NUBPL: variants seen among roughly 807,000 people sequenced by gnomAD.
The protein encoded by NUBPL is iron-sulfur cluster transfer protein NUBPL.
NUBPL carries 31 observed loss-of-function variants against 45.7 expected under a neutral mutation model. That is an observed-to-expected ratio of 0.68 (90% CI 0.51 to 0.92). The LOEUF (loss-of-function observed/expected upper bound fraction) is 0.92. Ranked by LOEUF, NUBPL falls within the 40% of genes least tolerant of loss-of-function variation. The pLI, the probability that NUBPL is intolerant of heterozygous loss-of-function variation, is 0.00. For missense variants in NUBPL, 401 were observed against 398.7 expected, an observed-to-expected ratio of 1.01 and a Z score of -0.05; for synonymous variants, 144 against 140.9, an observed-to-expected ratio of 1.02 and a Z score of -0.15.
chr14:31,571,974 C>G (rs1390220043), intron 3 of NUBPL, among the ~76,000 whole-genome samples: 1 of 152,032 alleles, frequency 6.6e-6, no homozygotes, highest in African/African-American at 2.4e-5. Context: ...GGAATAAGTA[C>G]TATTGTGATC....
At chr14:31,651,964 G>C (rs1050406559) in intron 4 of NUBPL, among the ~76,000 whole-genome samples, 1 of 151,312 alleles carries the variant, frequency 6.6e-6, no homozygotes, top group African/African-American at 2.4e-5. Context: ...CTCAAAAGAA[G>C]ACATGCAAAT....
At chr14:31,850,301 T>A in intron 10 of NUBPL, 100 bp downstream of exon 10, 10 of 859,824 alleles carry the variant, frequency 1.2e-5, no homozygotes, top group Non-Finnish European at 1.5e-5. Flanking sequence ...TTGCAGTGCA[T>A]ATATATTTAA....
chr14:31,792,785 G>C (rs2039406752), intron 7 of NUBPL, among the ~76,000 whole-genome samples: 1 of 152,164 alleles, frequency 6.6e-6, no homozygotes, highest in African/African-American at 2.4e-5. Context: ...GTGTCTATGT[G>C]TGTGTTAAAG....
At chr14:31,721,767 AT>A (rs2037814380) in intron 6 of NUBPL, among the ~76,000 whole-genome samples, 1 of 151,720 alleles carries the variant, frequency 6.6e-6, no homozygotes, top group Non-Finnish European at 1.5e-5. Context: ...CCCTCCCCCC[AT>A]TCTCCACCTT....
rs201253051 is a variant in NUBPL, at chr14:31,803,380, T to C, written c.607+15507T>C. 5.0e-4 allele frequency among the ~76,000 whole-genome samples: 76 copies of C among 152,322 alleles called. 1 individual carries two copies. In the East Asian group the frequency reaches 0.014, roughly 28 times the overall value. On this transcript the variant is annotated intron_variant, in intron 7 of 10. Transcript: ENST00000281081. ...TCTAATGCCAGTGTTTTGGAAAACATTGAAAATTCAAAGAAAAACATTTGG... is the reference window on the plus strand; with the variant it reads ...TCTAATGCCAGTGTTTTGGAAAACACTGAAAATTCAAAGAAAAACATTTGG...
intron 4 of NUBPL, among the ~76,000 whole-genome samples, chr14:31,636,539 G>T (rs1035745531): frequency 6.6e-6 from 1 of 152,082 alleles, no homozygotes; most frequent in Non-Finnish European, 1.5e-5. Flanking sequence ...AAGGATATTG[G>T]TCTAAAATTC....
chr14:31,748,841 G>T (rs12100474), intron 6 of NUBPL, among the ~76,000 whole-genome samples: 5,482 of 152,146 alleles, frequency 0.036, 130 homozygotes, highest in African/African-American at 0.076. Flanking sequence ...TTGAACTCTT[G>T]ACCTCAGGTG....
Position 31,673,358 on chromosome 14 carries a change from A to C in NUBPL, c.386A>C (p.Asn129Thr). 4 of 1,603,078 alleles carry C rather than the reference A, an allele frequency of 2.5e-6. No individual in the cohort carries two copies. Among genetic ancestry groups the C allele is most frequent in the Non-Finnish European group, 3.4e-6 (4 of 1,174,390 alleles). Reference sequence around the variant, plus strand: ...AGAGGATTTTTTTTTTTTCCAGGCAACCTAATGAGGCCTCTCTTGAATTAT... The same window carrying C: ...AGAGGATTTTTTTTTTTTCCAGGCACCCTAATGAGGCCTCTCTTGAATTAT... ...LKGNPELSQS[N>T]LMRPLLNYGI... Residue 129 changes from asparagine (N) to threonine (T), a missense_variant, in exon 5 of 11, where the codon AAC becomes ACC. Physicochemically the swap from Asn to Thr is moderately conservative, Grantham distance 65. Coordinates refer to ENST00000281081, the MANE Select transcript of NUBPL (RefSeq NM_025152.3).
intron 6 of NUBPL, among the ~76,000 whole-genome samples, chr14:31,688,646 G>GTTTTTT (rs1324079141): frequency 8.9e-5 from 9 of 100,642 alleles, no homozygotes; most frequent in African/African-American, 5.8e-4. Context: ...GCCTGAACAG[G>GTTTTTT]TTTTTGTTGT....
chr14:31,706,785 C>A lies in NUBPL; in HGVS notation c.513+33211C>A, dbSNP rs2037463176. On this transcript the variant is annotated intron_variant, in intron 6 of 10. Coordinates refer to ENST00000281081, the MANE Select transcript of NUBPL (RefSeq NM_025152.3). ...TGAGAAATCCTTTGAGAGTGTGTGG[C>A]AGTAGGATAATACATGTTACACTGT... 2.0e-5 allele frequency among the ~76,000 whole-genome samples: 3 copies of A among 152,154 alleles called. No homozygotes were observed. In the South Asian group the frequency reaches 6.2e-4, roughly 32 times the overall value.
intron 6 of NUBPL, among the ~76,000 whole-genome samples, chr14:31,753,430 C>G (rs915463806): frequency 6.6e-6 from 1 of 152,044 alleles, no homozygotes; most frequent in African/African-American, 2.4e-5. Context: ...GCTTTCTGTG[C>G]TAGACCACCG....
intron 6 of NUBPL, among the ~76,000 whole-genome samples, chr14:31,743,383 A>G (rs748929874): frequency 4.0e-5 from 6 of 151,360 alleles, no homozygotes; most frequent in Non-Finnish European, 8.8e-5. Flanking sequence ...TTTTTGTTTC[A>G]TTTTGTTTTA....
intron 6 of NUBPL, among the ~76,000 whole-genome samples, chr14:31,697,793 TAAG>T (rs1377774802): frequency 6.6e-6 from 1 of 152,236 alleles, no homozygotes; most frequent in Non-Finnish European, 1.5e-5. Context: ...CAGTGATAAT[TAAG>T]AAGCCTTAAT....
chr14:31,590,490 C>A (rs1440021196), intron 3 of NUBPL, among the ~76,000 whole-genome samples: 1 of 152,176 alleles, frequency 6.6e-6, no homozygotes, highest in African/African-American at 2.4e-5. Context: ...GATTTTGAGT[C>A]TGAAGGGTGG....
intron 4 of NUBPL, among the ~76,000 whole-genome samples, chr14:31,604,258 G>A (rs188081165): frequency 5.3e-5 from 8 of 150,862 alleles, no homozygotes; most frequent in African/African-American, 7.3e-5. Context: ...TGATTAAGGC[G>A]TTCACTTAAA....
intron 6 of NUBPL, among the ~76,000 whole-genome samples, chr14:31,748,145 C>T (rs764327880): frequency 4.6e-5 from 7 of 151,840 alleles, no homozygotes; most frequent in African/African-American, 1.5e-4. Flanking sequence ...AGTTTTATTC[C>T]GTTGTGATCA....
chr14:31,645,661 G>T (rs1454086214), intron 4 of NUBPL, among the ~76,000 whole-genome samples: 2 of 151,776 alleles, frequency 1.3e-5, no homozygotes, highest in Non-Finnish European at 2.9e-5. Context: ...TGGTTAGTAT[G>T]AGACTTGCAA....
intron 6 of NUBPL, among the ~76,000 whole-genome samples, chr14:31,770,873 TTAAAA>T (rs1446133899): frequency 6.6e-6 from 1 of 152,228 alleles, no homozygotes; most frequent in Non-Finnish European, 1.5e-5. Context: ...GTTTCAGTAC[TTAAAA>T]TAAAACTGCA....
At chr14:31,662,716 G>T (rs1390216347) in intron 4 of NUBPL, among the ~76,000 whole-genome samples, 1 of 152,152 alleles carries the variant, frequency 6.6e-6, no homozygotes, top group Non-Finnish European at 1.5e-5. Flanking sequence ...TCATTGATGG[G>T]CATTTGGGTT....
Sources: allele counts gnomAD v4.1 joint callset (sites outside exome capture counted in the v4.1 genomes callset), GRCh38; gene constraint gnomAD v4.1.1; transcripts MANE v1.5; gene names NCBI Gene and HGNC (gene_info 2026-07-23, HGNC 2026-07-21).